Variants in PRKCH observed in about 807,000 individuals in gnomAD.
The protein encoded by PRKCH is protein kinase C eta type.
In PRKCH, 28 loss-of-function variants were observed where a neutral mutation model predicts 82.5. That is an observed-to-expected ratio of 0.34 (90% CI 0.25 to 0.47). The LOEUF (loss-of-function observed/expected upper bound fraction) is 0.47, where lower values mean the gene tolerates loss of function less well. Ranked by LOEUF, PRKCH falls within the 20% of genes least tolerant of loss-of-function variation. The probability of loss-of-function intolerance (pLI) is 1.00; values close to 1 mark genes in which losing one functional copy is unlikely to be tolerated. For synonymous variants in PRKCH, 322 were observed against 327.4 expected (o/e 0.98, Z 0.18); for missense variants, 705 against 881.8 (o/e 0.80, Z 2.54).
At chr14:61,485,151 G>C (rs1303072190) in intron 9 of PRKCH, among the ~76,000 whole-genome samples, 1 of 152,110 alleles carries the variant, frequency 6.6e-6, no homozygotes, top group African/African-American at 2.4e-5. Flanking sequence ...ACATGTTCCA[G>C]ATTAAAGGCA....
At chr14:61,371,407 T>C (rs1484258608) in intron 1 of PRKCH, among the ~76,000 whole-genome samples, 2 of 152,084 alleles carry the variant, frequency 1.3e-5, no homozygotes, top group Non-Finnish European at 2.9e-5. Context: ...TACCACATCA[T>C]GTTTATATGT....
intron 1 of PRKCH, among the ~76,000 whole-genome samples, chr14:61,249,413 C>T (rs572295418): frequency 6.6e-6 from 1 of 151,672 alleles, no homozygotes; most frequent in Admixed American, 6.6e-5. Flanking sequence ...TTTGTACACA[C>T]TCACTTTGGC....
chr14:61,243,383 CAAAAAA>C (rs10555022), intron 1 of PRKCH, among the ~76,000 whole-genome samples: 1 of 103,404 alleles, frequency 9.7e-6, no homozygotes, highest in Admixed American at 1.0e-4. Context: ...GACTCTGTCT[CAAAAAA>C]AAAAAAAAAA....
chr14:61,476,554 G>A (rs1885738292), intron 9 of PRKCH: 2 of 152,190 alleles, frequency 1.3e-5, no homozygotes, highest in African/African-American at 4.8e-5. Context: ...TAAACTGCAA[G>A]GTAGATTTCC....
chr14:61,428,974 T>A (rs995219292), intron 2 of PRKCH, among the ~76,000 whole-genome samples: 2 of 152,228 alleles, frequency 1.3e-5, no homozygotes, highest in Non-Finnish European at 2.9e-5. Context: ...GAATTCTGCA[T>A]GTCATAGTTG....
At chr14:61,479,279 C>T (rs933474733) in intron 9 of PRKCH, among the ~76,000 whole-genome samples, 2 of 152,234 alleles carry the variant, frequency 1.3e-5, no homozygotes, top group African/African-American at 4.8e-5. Flanking sequence ...AGTTCCTGCA[C>T]ACAGCCTAGA....
At chr14:61,533,349 A>G (rs1440309554) in intron 12 of PRKCH, among the ~76,000 whole-genome samples, 2 of 141,774 alleles carry the variant, frequency 1.4e-5, no homozygotes, top group Admixed American at 1.4e-4. Flanking sequence ...TTTTTTGTGC[A>G]TTTTACTCTC....
intron 10 of PRKCH, among the ~76,000 whole-genome samples, chr14:61,486,619 C>T (rs1438999088): frequency 6.6e-6 from 1 of 151,662 alleles, no homozygotes; most frequent in East Asian, 1.9e-4. Context: ...TGTTAGTGTC[C>T]TCACCTAATT....
At chr14:61,386,126 A>C (rs1376037892) in intron 1 of PRKCH, among the ~76,000 whole-genome samples, 1 of 152,242 alleles carries the variant, frequency 6.6e-6, no homozygotes, top group African/African-American at 2.4e-5. Flanking sequence ...GCTCTCTCAG[A>C]ATAAATGAAA....
intron 13 of PRKCH, among the ~76,000 whole-genome samples, chr14:61,548,923 T>G (rs554166548): frequency 6.6e-6 from 1 of 151,772 alleles, no homozygotes; most frequent in South Asian, 2.1e-4. Flanking sequence ...CAGTGAGATG[T>G]GTGATACTCA....
intron 12 of PRKCH, among the ~76,000 whole-genome samples, chr14:61,534,730 T>C (rs1163679906): frequency 6.6e-6 from 1 of 152,082 alleles, no homozygotes; most frequent in African/African-American, 2.4e-5. Context: ...CCCAGAGAGA[T>C]GAAGGGACTT....
chr14:61,529,052 G>A (rs199812892), intron 10 of PRKCH, 23 bp from the exon 11 acceptor site: 59 of 1,588,300 alleles, frequency 3.7e-5, no homozygotes, highest in South Asian at 2.3e-4. Context: ...GCCCTATCTC[G>A]TGCTGCTCTT....
At chr14:61,262,009 C>T (rs1404119324) in intron 1 of PRKCH, among the ~76,000 whole-genome samples, 2 of 151,988 alleles carry the variant, frequency 1.3e-5, no homozygotes, top group Admixed American at 1.3e-4. Flanking sequence ...ATCACGAGGT[C>T]AGGAGTTCAT....
At chr14:61,345,248 A>C (rs920888267) in intron 1 of PRKCH, among the ~76,000 whole-genome samples, 1 of 152,204 alleles carries the variant, frequency 6.6e-6, no homozygotes, top group East Asian at 1.9e-4. Context: ...TAGAAAGAAT[A>C]GATTGTTGTG....
chr14:61,264,866 C>T (rs1003171076), intron 1 of PRKCH, among the ~76,000 whole-genome samples: 4 of 151,992 alleles, frequency 2.6e-5, no homozygotes, highest in African/African-American at 7.3e-5. Context: ...TGGTCCATGA[C>T]GCAGTTTGAG....
upstream of PRKCH, among the ~76,000 whole-genome samples, chr14:61,318,219 C>T (rs1303620132): frequency 6.6e-6 from 1 of 152,052 alleles, no homozygotes; most frequent in Non-Finnish European, 1.5e-5. Context: ...ACTACAGGAA[C>T]CTGCCACCAC....
chr14:61,257,533 A>G (rs2045008274), intron 1 of PRKCH, among the ~76,000 whole-genome samples: 1 of 151,970 alleles, frequency 6.6e-6, no homozygotes, highest in Non-Finnish European at 1.5e-5. Context: ...ACTATTTACA[A>G]TAAATCACAT....
chr14:61,433,194 T>G (rs1379108279), intron 2 of PRKCH, among the ~76,000 whole-genome samples: 1 of 152,166 alleles, frequency 6.6e-6, no homozygotes, highest in African/African-American at 2.4e-5. Context: ...AAAATCATGT[T>G]GAATCAGAAA....
At chr14:61,489,939 T>C (rs1196205944) in intron 10 of PRKCH, among the ~76,000 whole-genome samples, 1 of 152,226 alleles carries the variant, frequency 6.6e-6, no homozygotes, top group East Asian at 1.9e-4. Flanking sequence ...TGGCTGTTTT[T>C]GACAAAGTGT....
Sources: gnomAD v4.1 joint callset for allele counts (sites outside exome capture counted in the v4.1 genomes callset) on GRCh38, gnomAD v4.1.1 for gene constraint, MANE v1.5 for transcripts, NCBI Gene and HGNC (gene_info 2026-07-23, HGNC 2026-07-21) for gene names.